ASIC2: variants seen among roughly 807,000 people sequenced by gnomAD.
ASIC2 encodes the protein acid-sensing ion channel 2.
A neutral mutation model predicts 57.3 loss-of-function variants in ASIC2; 25 were observed. The ratio of observed to expected loss-of-function variants is 0.44; its 90% CI spans 0.32 to 0.61. The LOEUF (loss-of-function observed/expected upper bound fraction) is 0.61. Among genes scored for constraint, ASIC2 ranks in the 20% least tolerant of loss-of-function variants. The pLI, the probability that ASIC2 is intolerant of heterozygous loss-of-function variation, is 0.06. For synonymous variants in ASIC2, 319 were observed against 307.5 expected (o/e 1.04, Z -0.39); for missense variants, 641 against 738.1 (o/e 0.87, Z 1.52).
chr17:33,303,012 A>G (rs1325901473), intron 1 of ASIC2, among the ~76,000 whole-genome samples: 1 of 152,208 alleles, frequency 6.6e-6, no homozygotes, highest in Non-Finnish European at 1.5e-5. Flanking sequence ...ACCATTCACT[A>G]AGCACTTACT....
intron 1 of ASIC2, among the ~76,000 whole-genome samples, chr17:33,456,045 C>T (rs559107680): frequency 6.6e-6 from 1 of 152,282 alleles, no homozygotes; most frequent in South Asian, 2.1e-4. Context: ...TCCAGGCTTC[C>T]GGTCCAGGGC....
At position 34,148,568 on chromosome 17, in the gene ASIC2, G is replaced by A. The variant is rs140049364; in HGVS notation, c.555+7410C>T. ...TAGAATCTAGAGACTTTACAGACGG[G>A]AGAGTCAGGATCTACATCTGTGTGC... On this transcript the variant is annotated intron_variant, in intron 1 of 9. Transcript: ENST00000359872. Among the ~76,000 whole-genome samples the A allele has an allele frequency of 3.0e-3, 454 of 152,266 alleles. 1 individual carries two copies. Among genetic ancestry groups the A allele is most frequent in the African/African-American group, 0.01 (435 of 41,546 alleles).
At chr17:33,467,237 G>A (rs2141916882) in intron 1 of ASIC2, among the ~76,000 whole-genome samples, 1 of 152,250 alleles carries the variant, frequency 6.6e-6, no homozygotes, top group Non-Finnish European at 1.5e-5. Context: ...CACTGTGCCT[G>A]GCCTTGAAAA....
intron 1 of ASIC2, among the ~76,000 whole-genome samples, chr17:33,805,666 C>A (rs1164051686): frequency 6.6e-6 from 1 of 152,156 alleles, no homozygotes; most frequent in Non-Finnish European, 1.5e-5. Flanking sequence ...ATATACTCTG[C>A]CACCAAATAT....
At chr17:34,153,698 C>T (rs1248523576) in intron 1 of ASIC2, among the ~76,000 whole-genome samples, 4 of 152,220 alleles carry the variant, frequency 2.6e-5, no homozygotes, top group Non-Finnish European at 4.4e-5. Flanking sequence ...ACAACTTGAA[C>T]AGCAGCACTG....
chr17:33,844,191 C>T (rs911717484), intron 1 of ASIC2, among the ~76,000 whole-genome samples: 3 of 152,106 alleles, frequency 2.0e-5, no homozygotes, highest in Admixed American at 2.0e-4. Context: ...AAATTTGGTA[C>T]ATGGCATATT....
At chr17:33,477,247 A>C (rs1489172468) in intron 1 of ASIC2, among the ~76,000 whole-genome samples, 1 of 152,188 alleles carries the variant, frequency 6.6e-6, no homozygotes, top group Non-Finnish European at 1.5e-5. Context: ...CCCCAAATTG[A>C]TGTCTATTTA....
At chr17:33,199,937 C>G (rs1198612529) in intron 1 of ASIC2, among the ~76,000 whole-genome samples, 3 of 152,146 alleles carry the variant, frequency 2.0e-5, no homozygotes, top group Non-Finnish European at 4.4e-5. Flanking sequence ...TCCTTGCGTT[C>G]CCTATCCCCT....
intron 1 of ASIC2, among the ~76,000 whole-genome samples, chr17:33,883,706 A>G (rs546925650): frequency 3.3e-5 from 5 of 152,302 alleles, no homozygotes; most frequent in African/African-American, 9.6e-5. Context: ...AAGGCTTAAG[A>G]TCACATTCCC....
chr17:33,631,322 A>AT (rs113222295), intron 1 of ASIC2, among the ~76,000 whole-genome samples: 77,874 of 134,446 alleles, frequency 0.58, 22,550 homozygotes, highest in Middle Eastern at 0.66. Context: ...GCTTTTAGTG[A>AT]TTTTTTTTTT....
chr17:34,156,168 T>C lies in ASIC2; in HGVS notation c.365A>G (p.Gln122Arg). The change falls in exon 1 of 10, where the codon CAG (glutamine) becomes CGG (arginine). Residue 122 changes from glutamine to arginine, a missense_variant. Gln to Arg is a conservative substitution (Grantham distance 43). Transcript: ENST00000359872. The surrounding 1 kb of genome is among the most constrained non-coding windows in gnomAD (Gnocchi z 4.4). The stretch of plus-strand genomic sequence containing the variant: ...GTCAGCCAGATGGGGGTCCGGGATC[T>C]GCAGGTTGACATCCAGCAGGGCCAG... 1 of 1,614,124 alleles carries C rather than the reference T, an allele frequency of 6.2e-7. No individual in the cohort carries two copies. Among genetic ancestry groups the C allele is most frequent in the Non-Finnish European group, 8.5e-7 (1 of 1,180,014 alleles).
intron 1 of ASIC2, among the ~76,000 whole-genome samples, chr17:34,134,695 G>T (rs1293881339): frequency 2.0e-5 from 3 of 152,188 alleles, no homozygotes; most frequent in African/African-American, 7.2e-5. Context: ...ACATACTCCA[G>T]AATCTGTTTC....
intron 1 of ASIC2, among the ~76,000 whole-genome samples, chr17:33,877,472 A>T (rs1400712893): frequency 2.0e-5 from 3 of 152,088 alleles, no homozygotes; most frequent in African/African-American, 7.2e-5. Flanking sequence ...GGAGATTATA[A>T]CCCATTCCTG....
chr17:33,677,750 G>T (rs554296747), intron 1 of ASIC2, among the ~76,000 whole-genome samples: 77 of 152,340 alleles, frequency 5.1e-4, no homozygotes, highest in African/African-American at 1.8e-3. Flanking sequence ...AACTGGAACA[G>T]ATGAAGTTCG....
intron 1 of ASIC2, among the ~76,000 whole-genome samples, chr17:34,121,804 CATCT>C (rs1471405124): frequency 2.0e-5 from 3 of 152,224 alleles, no homozygotes; most frequent in African/African-American, 7.2e-5. Flanking sequence ...TGATGCCATC[CATCT>C]AAGGAACTTC....
chr17:34,008,047 G>T (rs1275572961), intron 1 of ASIC2, among the ~76,000 whole-genome samples: 2 of 152,078 alleles, frequency 1.3e-5, no homozygotes, highest in Non-Finnish European at 2.9e-5. Context: ...GGGCTGGGAA[G>T]GTGGCTCATG....
chr17:33,495,119 T>C (rs1913886114), intron 1 of ASIC2, among the ~76,000 whole-genome samples: 1 of 152,178 alleles, frequency 6.6e-6, no homozygotes. Flanking sequence ...GGGTGCAAAA[T>C]TTAGGGAGGC....
Position 33,480,463 on chromosome 17 carries a change from A to G in ASIC2, c.556-368396T>C, listed in dbSNP as rs767095117. Reference sequence around the variant, plus strand: ...GGAAGCAAACTGCATGGCAGTCTGGAGAAAGGAGCCTTCATAAACGAGGAA... The same window carrying G: ...GGAAGCAAACTGCATGGCAGTCTGGGGAAAGGAGCCTTCATAAACGAGGAA... On this transcript the variant is annotated intron_variant, in intron 1 of 9. Transcript: ENST00000359872. Among the ~76,000 whole-genome samples, 16 of 152,286 alleles carry G rather than the reference A, an allele frequency of 1.1e-4. No homozygotes were observed. The South Asian group carries it at 1.9e-3, about 18-fold the overall frequency.
chr17:33,497,512 G>A (rs918185470), intron 1 of ASIC2, among the ~76,000 whole-genome samples: 7 of 152,306 alleles, frequency 4.6e-5, no homozygotes, highest in Non-Finnish European at 8.8e-5. Flanking sequence ...AACAGTCAGC[G>A]AAAGCACACT....
Sources: gnomAD v4.1 joint callset for allele counts (sites outside exome capture counted in the v4.1 genomes callset) on GRCh38, gnomAD v4.1.1 for gene constraint, Gnocchi (gnomAD v3.1) non-coding constraint, MANE v1.5 for transcripts, NCBI Gene and HGNC (gene_info 2026-07-23, HGNC 2026-07-21) for gene names.